TMEM26: variants seen among roughly 807,000 people sequenced by gnomAD.
TMEM26 encodes the protein transmembrane protein 26.
In TMEM26, 38 loss-of-function variants were observed where a neutral mutation model predicts 28.8. The observed-to-expected ratio is 1.32, with a 90% confidence interval of 1.02 to 1.73. The LOEUF (loss-of-function observed/expected upper bound fraction) is 1.73. Ranked by LOEUF, TMEM26 falls within the 40% of genes most tolerant of loss-of-function variation. The pLI, the probability that TMEM26 is intolerant of heterozygous loss-of-function variation, is 0.00. For synonymous variants in TMEM26, 227 were observed against 182.9 expected (o/e 1.24, Z -1.95); for missense variants, 518 against 447.1 (o/e 1.16, Z -1.43).
Position 61,436,591 on chromosome 10 carries a change from C to A in TMEM26, c.192-343G>T, listed in dbSNP as rs192667996. On this transcript the variant is annotated intron_variant, in intron 1 of 5. Coordinates refer to ENST00000399298, the MANE Select transcript of TMEM26 (RefSeq NM_178505.8). ...GATATTTTGTATTTAATATGTTTTA[C>A]GAAAAGCAAATACAGCAGGAGTAAA... 4.4e-4 allele frequency among the ~76,000 whole-genome samples: 67 copies of A among 152,214 alleles called. 1 individual carries two copies. Among genetic ancestry groups the A allele is most frequent in the Admixed American group, 2.9e-3 (45 of 15,292 alleles).
At position 61,408,873 on chromosome 10, in the gene TMEM26, T is replaced by C. The variant is rs1294326626; in HGVS notation, c.*1449A>G. On this transcript the variant is annotated 3_prime_UTR_variant, in exon 6 of 6. Transcript: ENST00000399298. ...TGACTCTGTATAAAAACACAATTTG[T>C]CTATAAAAGTTTGTATAAAATGTTT... is the stretch of plus-strand genomic sequence containing the variant. The C allele has an allele frequency of 1.3e-5, 2 of 152,170 alleles. No homozygotes were observed. Among genetic ancestry groups the C allele is most frequent in the South Asian group, 2.1e-4 (1 of 4,822 alleles). 9.4% of individuals were successfully genotyped at this position (152,170 alleles called of 1,614,324 possible).
intron 4 of TMEM26, among the ~76,000 whole-genome samples, chr10:61,421,672 A>C (rs147027373): frequency 6.6e-6 from 1 of 152,130 alleles, no homozygotes; most frequent in African/African-American, 2.4e-5. Flanking sequence ...GTTGCTAGCC[A>C]CCACCAGAAA....
chr10:61,413,559 AT>A lies in TMEM26; in HGVS notation c.606-25del, dbSNP rs1451042653. 2.5e-6 allele frequency: 4 copies of A among 1,579,904 alleles called. No homozygotes were observed. The African/African-American group carries it at 5.4e-5, about 22-fold the overall frequency. On this transcript the variant is annotated intron_variant, in intron 4 of 5. Transcript: ENST00000399298. ...TCCTAGAATACAGACAAAATGTTAA[AT>A]TTGTAATAAAAAGTATGATCACATG... is the stretch of plus-strand genomic sequence containing the variant.
chr10:61,444,113 G>A (rs1840139440), intron 1 of TMEM26, among the ~76,000 whole-genome samples: 1 of 152,056 alleles, frequency 6.6e-6, no homozygotes, highest in South Asian at 2.1e-4. Flanking sequence ...TTGTCAACAA[G>A]CCCACCTTAC....
intron 4 of TMEM26, among the ~76,000 whole-genome samples, chr10:61,426,509 A>G (rs774717325): frequency 1.3e-5 from 2 of 152,152 alleles, no homozygotes; most frequent in Non-Finnish European, 2.9e-5. Flanking sequence ...ATGAACTTCA[A>G]TGTGAGCCAA....
At position 61,453,171 on chromosome 10, in the gene TMEM26, G is replaced by A; in HGVS notation, c.-90C>T. ...GGAGCCCACCGGTGAGCAGGAATAT[G>A]ACAAGCACTGAGACCTGCTGCTGCT... is the stretch of plus-strand genomic sequence containing the variant. On this transcript the variant is annotated 5_prime_UTR_variant, in exon 1 of 6. Coordinates refer to ENST00000399298, the MANE Select transcript of TMEM26 (RefSeq NM_178505.8). 7.4e-7 allele frequency: 1 copy of A among 1,348,646 alleles called. No homozygotes were observed. Among genetic ancestry groups the A allele is most frequent in the Non-Finnish European group, 1.0e-6 (1 of 976,062 alleles). The allele number at this position is 1,348,646 out of a possible 1,614,324, so 83.5% of individuals were successfully genotyped here.
intron 3 of TMEM26, 38 bp downstream of exon 3, chr10:61,431,181 T>C: frequency 6.5e-7 from 1 of 1,547,598 alleles, no homozygotes; most frequent in Non-Finnish European, 8.9e-7. Flanking sequence ...AGTCCACCAT[T>C]TTCTAGATCC....
rs757354272 is a variant in TMEM26 at position 61,452,394 on chromosome 10, C to T, written c.191+497G>A. On this transcript the variant is annotated intron_variant, in intron 1 of 5. Coordinates refer to ENST00000399298, the MANE Select transcript of TMEM26 (RefSeq NM_178505.8). The stretch of plus-strand genomic sequence containing the variant: ...GAAGGGAAGCGGATGAAACCACAGA[C>T]GTGCAGCGAGGGTCTTCTCGTCTTA... Among the ~76,000 whole-genome samples, 199 of 152,350 alleles carry T rather than the reference C, an allele frequency of 1.3e-3. 1 individual carries two copies. The highest frequency in any genetic ancestry group is 2.5e-3 in the Non-Finnish European group (171 of 68,034).
At chr10:61,435,978 A>C (rs927939241) in intron 2 of TMEM26, among the ~76,000 whole-genome samples, 192 bp downstream of exon 2, 1 of 152,164 alleles carries the variant, frequency 6.6e-6, no homozygotes, top group East Asian at 1.9e-4. Flanking sequence ...ACATAAATGT[A>C]ATTTTTTTAT....
intron 2 of TMEM26, among the ~76,000 whole-genome samples, chr10:61,433,980 G>A (rs1391359629): frequency 6.6e-6 from 1 of 152,122 alleles, no homozygotes; most frequent in Admixed American, 6.5e-5. Flanking sequence ...AACCTATGGA[G>A]TTGTTGGGTC....
intron 1 of TMEM26, among the ~76,000 whole-genome samples, chr10:61,446,946 C>T (rs1218869008): frequency 6.8e-6 from 1 of 147,988 alleles, no homozygotes; most frequent in Non-Finnish European, 1.5e-5. Flanking sequence ...AAGACTTGCT[C>T]CCATCAGGGC....
intron 1 of TMEM26, 60 bp from the exon 2 acceptor site, chr10:61,436,308 AAATT>A: frequency 8.8e-7 from 1 of 1,133,176 alleles, no homozygotes; most frequent in South Asian, 1.5e-5. Flanking sequence ...CCAAAAAAAA[AAATT>A]AAGAGGAAGA....
intron 2 of TMEM26, among the ~76,000 whole-genome samples, chr10:61,432,633 T>A (rs150432304): frequency 6.7e-6 from 1 of 149,494 alleles, no homozygotes; most frequent in Non-Finnish European, 1.5e-5. Flanking sequence ...CACACATTTG[T>A]ATTTAGAGAG....
At position 61,410,027 on chromosome 10, in the gene TMEM26, A is replaced by G; in HGVS notation, c.*295T>C. ...GGTCTGCACCAAATCTTTCGAGGGC[A>G]TGTCACTGTAACCTCTTCCATAGCT... On this transcript the variant is annotated 3_prime_UTR_variant, in exon 6 of 6. Transcript: ENST00000399298. 2.8e-6 allele frequency: 1 copy of G among 351,948 alleles called. No homozygotes were observed. The highest frequency in any genetic ancestry group is 2.1e-5 in the African/African-American group (1 of 48,114). The allele number at this position is 351,948 out of a possible 1,614,324, so 21.8% of individuals were successfully genotyped here.
chr10:61,438,834 G>C (rs1014802502), intron 1 of TMEM26, among the ~76,000 whole-genome samples: 1 of 152,144 alleles, frequency 6.6e-6, no homozygotes, highest in Non-Finnish European at 1.5e-5. Flanking sequence ...CAACTCAGTA[G>C]TTACAACTGA....
intron 4 of TMEM26, among the ~76,000 whole-genome samples, chr10:61,420,559 T>C (rs917984827): frequency 1.3e-5 from 2 of 152,152 alleles, no homozygotes; most frequent in Non-Finnish European, 2.9e-5. Context: ...TGTAAAATGG[T>C]GGATCTTTGT....
intron 3 of TMEM26, among the ~76,000 whole-genome samples, chr10:61,430,711 T>A (rs779479408): frequency 1.1e-4 from 16 of 152,020 alleles, no homozygotes; most frequent in Non-Finnish European, 2.1e-4. Context: ...AAAACGCCAC[T>A]TTTATTGGCA....
At chr10:61,424,564 C>A (rs1027742650) in intron 4 of TMEM26, among the ~76,000 whole-genome samples, 1 of 152,016 alleles carries the variant, frequency 6.6e-6, no homozygotes, top group Non-Finnish European at 1.5e-5. Flanking sequence ...TTTTTTACAA[C>A]TTGAAAAGAG....
intron 4 of TMEM26, among the ~76,000 whole-genome samples, chr10:61,419,954 C>T (rs536830161): frequency 6.6e-6 from 1 of 152,062 alleles, no homozygotes; most frequent in African/African-American, 2.4e-5. Context: ...TACAGAGTAA[C>T]AACAAATAAG....
Sources: gnomAD v4.1 joint callset for allele counts (sites outside exome capture counted in the v4.1 genomes callset) on GRCh38, gnomAD v4.1.1 for gene constraint, MANE v1.5 for transcripts, NCBI Gene and HGNC (gene_info 2026-07-23, HGNC 2026-07-21) for gene names.